The following RAB32 variants were observed in gnomAD, a reference collection of about 807,000 sequenced individuals.
RAB32 encodes ras-related protein Rab-32.
RAB32 carries 17 observed loss-of-function variants against 17.5 expected under a neutral mutation model. That is an observed-to-expected ratio of 0.97 (90% CI 0.67 to 1.46). The LOEUF is 1.46. Ranked by LOEUF, RAB32 falls within the 40% of genes most tolerant of loss-of-function variation. The pLI is 0.00. For missense variants in RAB32, 288 were observed against 284.3 expected (o/e 1.01, Z -0.09); for synonymous variants, 115 against 111.1 (o/e 1.04, Z -0.22).
intron 1 of RAB32, among the ~76,000 whole-genome samples, chr6:146,546,526 C>T (rs1334528404): frequency 2.6e-5 from 4 of 151,946 alleles, no homozygotes; most frequent in South Asian, 2.1e-4. Flanking sequence ...ACATTACTAA[C>T]TGTTTGATTT....
Position 146,544,038 on chromosome 6 carries a change from C to T in RAB32, c.167C>T (p.Ala56Val). The T allele has an allele frequency of 6.2e-7, 1 of 1,613,978 alleles. No homozygotes were observed. Among genetic ancestry groups the T allele is most frequent in the Non-Finnish European group, 8.5e-7 (1 of 1,179,972 alleles). ...CAGCTCTTCTCCCAGCACTACCGGG[C>T]CACCATCGGGGTGGACTTCGCCCTC... ...VHQLFSQHYR[A>V]TIGVDFALKV... The change falls in exon 1 of 3, where the codon GCC becomes GTC. Residue 56 changes from alanine to valine, a missense_variant. Coordinates refer to ENST00000367495, the MANE Select transcript of RAB32 (RefSeq NM_006834.5).
chr6:146,549,825 G>T lies in RAB32; in HGVS notation c.528+84G>T, dbSNP rs796200913. 5 of 1,417,730 alleles carry T rather than the reference G, an allele frequency of 3.5e-6. No homozygotes were observed. The African/African-American group carries it at 7.1e-5, about 20-fold the overall frequency. 87.8% of individuals were successfully genotyped at this position (1,417,730 alleles called of 1,614,324 possible). A position where few individuals can be genotyped will look rare whatever the true frequency, so the allele number is the denominator to read the frequency against. On this transcript the variant is annotated intron_variant, in intron 2 of 2. Coordinates refer to ENST00000367495, the MANE Select transcript of RAB32 (RefSeq NM_006834.5). Reference sequence around the variant, plus strand: ...ATGTAAAGTATTTAGATATATTTATGTGAGTGGTGTTTGAAAGTCTGGAAA... The same window carrying T: ...ATGTAAAGTATTTAGATATATTTATTTGAGTGGTGTTTGAAAGTCTGGAAA...
chr6:146,544,488 A>G (rs372411848), intron 1 of RAB32, among the ~76,000 whole-genome samples: 6 of 152,086 alleles, frequency 3.9e-5, no homozygotes, highest in Non-Finnish European at 2.9e-5. Flanking sequence ...CTCAGCCTCA[A>G]CTCAAGTTCA....
In RAB32 at chr6:146,554,694, C is replaced by A; in HGVS notation, c.*89C>A. 7.0e-7 allele frequency: 1 copy of A among 1,431,128 alleles called. No individual in the cohort carries two copies. Among genetic ancestry groups the A allele is most frequent in the Non-Finnish European group, 9.4e-7 (1 of 1,064,670 alleles). 88.7% of individuals were successfully genotyped at this position (1,431,128 alleles called of 1,614,324 possible). A position where few individuals can be genotyped will look rare whatever the true frequency, so the allele number is the denominator to read the frequency against. On this transcript the variant is annotated 3_prime_UTR_variant, in exon 3 of 3. Coordinates refer to ENST00000367495, the MANE Select transcript of RAB32 (RefSeq NM_006834.5). ...AGATGTCATGTTAGCTGGGAGTCTT[C>A]CCACATGTGGCACTTCAAAAGGCAG...
At chr6:146,549,091 T>C (rs1332645362) in intron 1 of RAB32, among the ~76,000 whole-genome samples, 2 of 152,224 alleles carry the variant, frequency 1.3e-5, no homozygotes, top group African/African-American at 2.4e-5. Context: ...CTTCATTTCT[T>C]CTATTCTTGT....
At position 146,549,458 on chromosome 6, in the gene RAB32, G is replaced by A. The variant is rs1779868407; in HGVS notation, c.251-6G>A. 1.9e-6 allele frequency: 3 copies of A among 1,610,852 alleles called. No individual in the cohort carries two copies. Among genetic ancestry groups the A allele is most frequent in the East Asian group, 2.2e-5 (1 of 44,872 alleles). On this transcript the variant is annotated splice_region_variant and splice_polypyrimidine_tract_variant and intron_variant, in intron 1 of 2. Transcript: ENST00000367495. ...GTTTTTAATTTTTTCTTATATTTAT[G>A]TCTAGGGCAGGAGCGATTTGGCAAC... is the stretch of plus-strand genomic sequence containing the variant.
intron 2 of RAB32, among the ~76,000 whole-genome samples, chr6:146,553,699 T>G (rs1267563763): frequency 6.6e-6 from 1 of 152,194 alleles, no homozygotes; most frequent in Non-Finnish European, 1.5e-5. Flanking sequence ...TTTCCTGATT[T>G]TGATAGTTGT....
intron 2 of RAB32, among the ~76,000 whole-genome samples, chr6:146,549,980 C>T (rs1779875853): frequency 6.6e-6 from 1 of 152,142 alleles, no homozygotes; most frequent in Non-Finnish European, 1.5e-5. Flanking sequence ...GGGCAAAAAG[C>T]AAATGACATT....
chr6:146,548,731 A>T (rs1779856179), intron 1 of RAB32, among the ~76,000 whole-genome samples: 1 of 152,232 alleles, frequency 6.6e-6, no homozygotes, highest in Non-Finnish European at 1.5e-5. Flanking sequence ...GCCAAAGATT[A>T]GTACAATAGC....
chr6:146,545,116 A>G (rs935049830), intron 1 of RAB32, among the ~76,000 whole-genome samples: 6 of 151,808 alleles, frequency 4.0e-5, no homozygotes, highest in Non-Finnish European at 8.8e-5. Flanking sequence ...ATACATACAA[A>G]AAATTAGACA....
intron 1 of RAB32, among the ~76,000 whole-genome samples, 164 bp from the exon 2 acceptor site, chr6:146,549,300 A>G (rs1416252481): frequency 6.6e-6 from 1 of 152,212 alleles, no homozygotes; most frequent in East Asian, 1.9e-4. Context: ...CATCTGCTCT[A>G]TGGGTCATGG....
At chr6:146,546,912 T>A (rs3804288) in intron 1 of RAB32, among the ~76,000 whole-genome samples, 1 of 151,590 alleles carries the variant, frequency 6.6e-6, no homozygotes, top group Middle Eastern at 3.4e-3. Context: ...TTTCTACACA[T>A]GTAGCTAAGC....
At chr6:146,553,528 T>C (rs1779921787) in intron 2 of RAB32, among the ~76,000 whole-genome samples, 1 of 152,076 alleles carries the variant, frequency 6.6e-6, no homozygotes, top group African/African-American at 2.4e-5. Context: ...GTCAAGGTCA[T>C]GAAAAGCAAG....
At position 146,544,809 on chromosome 6, in the gene RAB32, C is replaced by A. The variant is rs1053395854; in HGVS notation, c.250+688C>A. ...CCCCCCACTCCTCAATACAGTGTTTCTCTGCCATTTGCTTTCATTTGTTCT... is the reference window on the plus strand; with the variant it reads ...CCCCCCACTCCTCAATACAGTGTTTATCTGCCATTTGCTTTCATTTGTTCT... On this transcript the variant is annotated intron_variant, in intron 1 of 2. Transcript: ENST00000367495. Among the ~76,000 whole-genome samples, 15 of 111,150 alleles carry A rather than the reference C, an allele frequency of 1.3e-4. 1 individual carries two copies. Among genetic ancestry groups the A allele is most frequent in the African/African-American group, 5.3e-4 (15 of 28,402 alleles). The allele number at this position is 111,150 out of a possible 152,430, so 72.9% of individuals were successfully genotyped here. A position where few individuals can be genotyped will look rare whatever the true frequency, so the allele number is the denominator to read the frequency against.
intron 1 of RAB32, 88 bp downstream of exon 1, chr6:146,544,209 A>T (rs1258669028): frequency 4.2e-6 from 6 of 1,435,924 alleles, no homozygotes; most frequent in African/African-American, 1.5e-5. Flanking sequence ...TTCTGCCTGA[A>T]CTCGTCTGCC....
intron 1 of RAB32, among the ~76,000 whole-genome samples, chr6:146,546,834 A>G (rs1779829502): frequency 7.4e-6 from 1 of 134,582 alleles, no homozygotes; most frequent in African/African-American, 3.1e-5. Flanking sequence ...CGAGGTAGTG[A>G]AGAAATTATG....
At chr6:146,546,720 A>G (rs73586070) in intron 1 of RAB32, among the ~76,000 whole-genome samples, 1,521 of 151,830 alleles carry the variant, frequency 0.01, 30 homozygotes, top group African/African-American at 0.034. Context: ...TGATTGCACA[A>G]TAGTAGATAG....
rs142273767 is a variant in RAB32 at position 146,544,045 on chromosome 6, C to G, written c.174C>G (p.Ile58Met). 2 of 1,613,926 alleles carry G rather than the reference C, an allele frequency of 1.2e-6. No individual in the cohort carries two copies. Among genetic ancestry groups the G allele is most frequent in the East Asian group, 2.2e-5 (1 of 44,816 alleles). Residue 58 changes from isoleucine (I) to methionine (M), a missense_variant, in exon 1 of 3, where the codon ATC becomes ATG. Ile to Met is a conservative substitution (Grantham distance 10). Coordinates refer to ENST00000367495, the MANE Select transcript of RAB32 (RefSeq NM_006834.5). ...TCTCCCAGCACTACCGGGCCACCAT[C>G]GGGGTGGACTTCGCCCTCAAGGTCC... The part of the protein sequence containing the change: ...QLFSQHYRAT[I>M]GVDFALKVLN...
rs908854083 is a variant in RAB32, at chr6:146,554,938, T to C, written c.*333T>C. The C allele has an allele frequency of 5.5e-6, 1 of 181,474 alleles. No individual in the cohort carries two copies. Among genetic ancestry groups the C allele is most frequent in the Non-Finnish European group, 1.1e-5 (1 of 87,152 alleles). The allele number at this position is 181,474 out of a possible 1,614,324, so 11.2% of individuals were successfully genotyped here. A position where few individuals can be genotyped will look rare whatever the true frequency, so the allele number is the denominator to read the frequency against. ...TTTAGTGTAAGTGCTGGGGTGGTAA[T>C]AAAATGTTACCTCCAGTCTTATGGT... On this transcript the variant is annotated 3_prime_UTR_variant, in exon 3 of 3. Coordinates refer to ENST00000367495, the MANE Select transcript of RAB32 (RefSeq NM_006834.5).
Sources: gnomAD v4.1 joint callset for allele counts (sites outside exome capture counted in the v4.1 genomes callset) on GRCh38, gnomAD v4.1.1 for gene constraint, MANE v1.5 for transcripts, NCBI Gene and HGNC (gene_info 2026-07-23, HGNC 2026-07-21) for gene names.